The following PRKCE variants were observed in gnomAD, a reference collection of about 807,000 sequenced individuals.
The protein encoded by PRKCE is protein kinase C epsilon type.
Under a neutral mutation model 85.4 loss-of-function variants are expected in PRKCE, and 16 were observed. The ratio of observed to expected loss-of-function variants is 0.19; its 90% CI spans 0.13 to 0.28. The LOEUF (loss-of-function observed/expected upper bound fraction) is 0.28. Ranked by LOEUF, PRKCE falls within the 10% of genes least tolerant of loss-of-function variation. The pLI is 1.00. For missense variants in PRKCE, 573 were observed against 975.2 expected (o/e 0.59, Z 5.49); for synonymous variants, 388 against 371.5 (o/e 1.04, Z -0.51).
chr2:45,741,557 C>T (rs1369656617), intron 1 of PRKCE, among the ~76,000 whole-genome samples: 1 of 152,222 alleles, frequency 6.6e-6, no homozygotes, highest in African/African-American at 2.4e-5. Context: ...CCACGTCTGA[C>T]ACGGTCCTCA....
At chr2:45,923,199 C>A (rs1698380156) in intron 2 of PRKCE, among the ~76,000 whole-genome samples, 1 of 152,190 alleles carries the variant, frequency 6.6e-6, no homozygotes, top group African/African-American at 2.4e-5. Context: ...ATAGGAAGGA[C>A]TATGGCACTA....
At chr2:46,044,138 G>C (rs1708377593) in intron 10 of PRKCE, among the ~76,000 whole-genome samples, 1 of 152,210 alleles carries the variant, frequency 6.6e-6, no homozygotes, top group Non-Finnish European at 1.5e-5. Context: ...ACTGGGGACT[G>C]TGTTCAAACC....
At chr2:45,741,096 A>G (rs531004335) in intron 1 of PRKCE, among the ~76,000 whole-genome samples, 5 of 152,354 alleles carry the variant, frequency 3.3e-5, no homozygotes, top group Admixed American at 3.3e-4. Context: ...AAATTTCCTT[A>G]GTGGAATTGA....
chr2:46,001,377 C>A lies in PRKCE; in HGVS notation c.824-27C>A, dbSNP rs751549720. The stretch of plus-strand genomic sequence containing the variant: ...AACATCTTAGGCCATGAACACTTAT[C>A]TGTCTTTTCTCCATGTCTCCTTACA... On this transcript the variant is annotated intron_variant, in intron 6 of 14. Transcript: ENST00000306156. The surrounding 1 kb of genome is among the most constrained non-coding windows in gnomAD (Gnocchi z 4.4). 6.3e-7 allele frequency: 1 copy of A among 1,587,304 alleles called. No individual in the cohort carries two copies. The highest frequency in any genetic ancestry group is 8.5e-7 in the Non-Finnish European group (1 of 1,171,502).
At chr2:45,659,239 A>G (rs1675522920) in intron 1 of PRKCE, among the ~76,000 whole-genome samples, 1 of 152,200 alleles carries the variant, frequency 6.6e-6, no homozygotes, top group Non-Finnish European at 1.5e-5. Context: ...TCAGCTTAAG[A>G]AATGGCAACT....
intron 1 of PRKCE, among the ~76,000 whole-genome samples, chr2:45,818,083 C>A (rs192186839): frequency 6.6e-6 from 1 of 152,162 alleles, no homozygotes; most frequent in African/African-American, 2.4e-5. Flanking sequence ...GACTTTTTCT[C>A]CTTCATGGGA....
intron 10 of PRKCE, among the ~76,000 whole-genome samples, chr2:46,030,638 T>C (rs1213978782): frequency 1.3e-5 from 2 of 152,234 alleles, no homozygotes; most frequent in African/African-American, 4.8e-5. Context: ...AGCTGCTACC[T>C]TCAGGGTCTC....
Position 45,970,603 on chromosome 2 carries a change from T to C in PRKCE, c.413-5826T>C, listed in dbSNP as rs1306333849. 2.0e-5 allele frequency among the ~76,000 whole-genome samples: 3 copies of C among 152,148 alleles called. No homozygotes were observed. In the South Asian group the frequency reaches 6.2e-4, roughly 31 times the overall value. ...AGATTAAGAAGATATGGCAACCCCATGAGCTCTGGGTAGCTCCTGGGTGAA... is the reference window on the plus strand; with the variant it reads ...AGATTAAGAAGATATGGCAACCCCACGAGCTCTGGGTAGCTCCTGGGTGAA... On this transcript the variant is annotated intron_variant, in intron 2 of 14. Coordinates refer to ENST00000306156, the MANE Select transcript of PRKCE (RefSeq NM_005400.3).
At chr2:46,071,667 T>C (rs1381328920) in intron 10 of PRKCE, among the ~76,000 whole-genome samples, 1 of 152,220 alleles carries the variant, frequency 6.6e-6, no homozygotes, top group Admixed American at 6.5e-5. Flanking sequence ...AGTCAAATCA[T>C]GAACTGTTTC....
chr2:46,037,255 T>C (rs1452939446), intron 10 of PRKCE, among the ~76,000 whole-genome samples: 5 of 152,224 alleles, frequency 3.3e-5, no homozygotes, highest in Admixed American at 2.0e-4. Context: ...GCTATTCTTA[T>C]GAAAAGTGTG....
intron 1 of PRKCE, among the ~76,000 whole-genome samples, chr2:45,685,077 A>G (rs1677197004): frequency 6.6e-6 from 1 of 152,234 alleles, no homozygotes; most frequent in Admixed American, 6.5e-5. Flanking sequence ...TGCTGAATCA[A>G]GACGAGAATA....
chr2:46,103,763 A>G (rs1425062992), intron 11 of PRKCE, among the ~76,000 whole-genome samples: 1 of 152,210 alleles, frequency 6.6e-6, no homozygotes, highest in African/African-American at 2.4e-5. Context: ...ATAGAAAATC[A>G]TAAGGAAGAG....
chr2:46,024,037 G>A (rs1706900410), intron 10 of PRKCE, among the ~76,000 whole-genome samples: 1 of 152,194 alleles, frequency 6.6e-6, no homozygotes, highest in South Asian at 2.1e-4. Flanking sequence ...ATTCAAACCT[G>A]GTTAGCTAGC....
intron 10 of PRKCE, among the ~76,000 whole-genome samples, chr2:46,061,839 TTTTC>T (rs1349485459): frequency 1.8e-3 from 245 of 139,436 alleles, no homozygotes; most frequent in African/African-American, 6.4e-3. Context: ...TTTTCTTTTC[TTTTC>T]TTTTCTTTTC....
In PRKCE at chr2:46,034,109, A is replaced by G. The variant is rs148424783; in HGVS notation, c.1437+23592A>G. Among the ~76,000 whole-genome samples the G allele has an allele frequency of 3.9e-3, 593 of 152,330 alleles. 2 individuals carry two copies. The highest frequency in any genetic ancestry group is 0.014 in the African/African-American group (572 of 41,570). ...ATGACAACACTCTAGGCTTTTAGAAATTTGGCTCTGAAATAAAGGATGTCT... is the reference window on the plus strand; with the variant it reads ...ATGACAACACTCTAGGCTTTTAGAAGTTTGGCTCTGAAATAAAGGATGTCT... On this transcript the variant is annotated intron_variant, in intron 10 of 14. Coordinates refer to ENST00000306156, the MANE Select transcript of PRKCE (RefSeq NM_005400.3).
chr2:45,800,035 C>T (rs534700112), intron 1 of PRKCE, among the ~76,000 whole-genome samples: 1 of 152,304 alleles, frequency 6.6e-6, no homozygotes, highest in African/African-American at 2.4e-5. Context: ...GGGTAGTCAC[C>T]TCCAGGCTGG....
chr2:46,086,821 C>G (rs764055078), intron 11 of PRKCE, among the ~76,000 whole-genome samples: 2 of 152,150 alleles, frequency 1.3e-5, no homozygotes, highest in Non-Finnish European at 2.9e-5. Flanking sequence ...GCTTGAGGGA[C>G]TGGGGGTTTA....
chr2:46,165,857 GT>G (rs1678288314), intron 14 of PRKCE, among the ~76,000 whole-genome samples: 1 of 152,218 alleles, frequency 6.6e-6, no homozygotes, highest in Non-Finnish European at 1.5e-5. Context: ...CAGAAACCTA[GT>G]TGTCCTCAGT....
intron 1 of PRKCE, among the ~76,000 whole-genome samples, chr2:45,664,200 C>T (rs1191045138): frequency 6.6e-6 from 1 of 152,104 alleles, no homozygotes; most frequent in African/African-American, 2.4e-5. Context: ...TTGTAGCATC[C>T]TTCATGTCAT....
Sources: gnomAD v4.1 joint callset for allele counts (sites outside exome capture counted in the v4.1 genomes callset) on GRCh38, gnomAD v4.1.1 for gene constraint, Gnocchi (gnomAD v3.1) non-coding constraint, MANE v1.5 for transcripts, NCBI Gene and HGNC (gene_info 2026-07-23, HGNC 2026-07-21) for gene names.